The following POGZ variants were observed in gnomAD, a reference collection of about 807,000 sequenced individuals.
The protein encoded by POGZ is pogo transposable element derived with ZNF domain, also known as pogo transposable element with ZNF domain.
POGZ carries 17 observed loss-of-function variants against 134.6 expected under a neutral mutation model. The ratio of observed to expected loss-of-function variants is 0.13; its 90% CI spans 0.09 to 0.19. The LOEUF (loss-of-function observed/expected upper bound fraction) is 0.19. Ranked by LOEUF, POGZ falls within the 10% of genes least tolerant of loss-of-function variation. The pLI is 1.00. For synonymous variants in POGZ, 693 were observed against 657.1 expected (o/e 1.05, Z -0.84); for missense variants, 1,306 against 1,769.7 (o/e 0.74, Z 4.70).
intron 1 of POGZ, among the ~76,000 whole-genome samples, chr1:151,457,943 A>G (rs908979954): frequency 2.0e-5 from 3 of 149,496 alleles, no homozygotes; most frequent in Non-Finnish European, 4.5e-5. Flanking sequence ...AAAAAAAAAA[A>G]GTAAAACCCC....
rs1293916594 is a variant in POGZ, at chr1:151,426,988, T to A, written c.1078+835A>T. 3.3e-5 allele frequency: 5 copies of A among 152,230 alleles called. No individual in the cohort carries two copies. The East Asian group carries it at 9.7e-4, about 29-fold the overall frequency. The allele number at this position is 152,230 out of a possible 1,614,324, so 9.4% of individuals were successfully genotyped here. ...CTCATGGCTCACTGCAGGCTCAACC[T>A]TCTGGGTTCAAGCCCAAGCCATCCT... On this transcript the variant is annotated intron_variant, in intron 7 of 18. Transcript: ENST00000271715.
chr1:151,456,057 T>C (rs1448748855), intron 1 of POGZ, among the ~76,000 whole-genome samples: 1 of 152,182 alleles, frequency 6.6e-6, no homozygotes, highest in Non-Finnish European at 1.5e-5. Context: ...AGTAGTTTCT[T>C]AAAGGACAGT....
Position 151,452,826 on chromosome 1 carries a change from T to C in POGZ, c.-2+6326A>G, listed in dbSNP as rs200517761. ...TTGCAGTGAGCCAAGATTGTGCCAC[T>C]GCACTCTAGTCTAGGCAACAGAGCG... On this transcript the variant is annotated intron_variant, in intron 1 of 18. Coordinates refer to ENST00000271715, the MANE Select transcript of POGZ (RefSeq NM_015100.4). Among the ~76,000 whole-genome samples, 6 of 151,290 alleles carry C rather than the reference T, an allele frequency of 4.0e-5. No homozygotes were observed. In the East Asian group the frequency reaches 5.9e-4, roughly 15 times the overall value.
In POGZ at chr1:151,405,752, T is replaced by C; in HGVS notation, c.3283A>G (p.Lys1095Glu). 3 of 1,614,072 alleles carry C rather than the reference T, an allele frequency of 1.9e-6. No homozygotes were observed. Among genetic ancestry groups the C allele is most frequent in the South Asian group, 1.1e-5 (1 of 91,080 alleles). The change falls in exon 19 of 19, where the codon AAG (lysine) becomes GAG (glutamate). Residue 1095 changes from lysine (K) to glutamate (E), a missense_variant. Physicochemically the swap from Lys to Glu is moderately conservative, Grantham distance 56. Transcript: ENST00000271715. The surrounding 1 kb of genome is among the most constrained non-coding windows in gnomAD (Gnocchi z 4.9). ...ARRAVAHTLP[K>E]DVAENAGLFI... ...AGTCCTGCATTCTCTGCTACATCCTTAGGTAGGGTGTGGGCCACAGCTCGC... is the reference window on the plus strand; with the variant it reads ...AGTCCTGCATTCTCTGCTACATCCTCAGGTAGGGTGTGGGCCACAGCTCGC...
chr1:151,441,115 G>A, intron 2 of POGZ, 29 bp from the exon 3 acceptor site: 7 of 1,597,666 alleles, frequency 4.4e-6, no homozygotes, highest in Non-Finnish European at 4.3e-6. Context: ...ATAGTCACTT[G>A]GAGACAGGGA....
Position 151,424,027 on chromosome 1 carries a change from G to A in POGZ, c.1445C>T (p.Ala482Val). ...FYYGRDGGKVAQLTNFPKVAT... is the reference protein window; with the variant it reads ...FYYGRDGGKVVQLTNFPKVAT... Reference sequence around the variant, plus strand: ...GACCTTAGGGAAATTTGTGAGCTGGGCTACTTTGCCACCATCCCGTCCATA... The same window carrying A: ...GACCTTAGGGAAATTTGTGAGCTGGACTACTTTGCCACCATCCCGTCCATA... The change falls in exon 9 of 19, where the codon GCC becomes GTC. Residue 482 changes from alanine to valine, a missense_variant. Physicochemically the swap from Ala to Val is moderately conservative, Grantham distance 64 (BLOSUM62 0). This residue lies in a region of POGZ where 541 missense variants were observed against 680.5 expected (regional missense o/e 0.80). Transcript: ENST00000271715. 1 of 1,614,112 alleles carries A rather than the reference G, an allele frequency of 6.2e-7. No homozygotes were observed. Among genetic ancestry groups the A allele is most frequent in the Non-Finnish European group, 8.5e-7 (1 of 1,180,010 alleles).
intron 10 of POGZ, among the ~76,000 whole-genome samples, chr1:151,417,364 CTTT>C (rs1380557486): frequency 2.2e-5 from 3 of 135,346 alleles, no homozygotes; most frequent in Non-Finnish European, 1.6e-5. Flanking sequence ...GCCCGGCCCT[CTTT>C]TTTTTTTTTT....
intron 1 of POGZ, among the ~76,000 whole-genome samples, chr1:151,448,508 TCAAAGGTTAA>T (rs1397315506): frequency 1.3e-5 from 2 of 152,156 alleles, no homozygotes; most frequent in East Asian, 3.9e-4. Context: ...AATCAAACAA[TCAAAGGTTAA>T]CAAAGAGGAC....
At chr1:151,458,967 C>T (rs1489691133) in intron 1 of POGZ, among the ~76,000 whole-genome samples, 185 bp downstream of exon 1, 1 of 144,628 alleles carries the variant, frequency 6.9e-6, no homozygotes, top group Non-Finnish European at 1.5e-5. Context: ...CCGCCCCTGC[C>T]GCGGGCCGCG....
chr1:151,446,954 T>C (rs1384406411), intron 1 of POGZ, among the ~76,000 whole-genome samples: 2 of 152,062 alleles, frequency 1.3e-5, no homozygotes, highest in African/African-American at 2.4e-5. Context: ...GTTTCAAAAA[T>C]TATCAACTCA....
chr1:151,424,592 CA>C (rs1553224320), intron 8 of POGZ: 2 of 306,324 alleles, frequency 6.5e-6, no homozygotes, highest in Non-Finnish European at 1.2e-5. Context: ...GGACTAATAC[CA>C]AAAAATGAAA....
chr1:151,435,505 T>TC (rs1322606462), intron 3 of POGZ, among the ~76,000 whole-genome samples: 1 of 151,824 alleles, frequency 6.6e-6, no homozygotes, highest in Non-Finnish European at 1.5e-5. Flanking sequence ...TTCCTTTTTT[T>TC]TTTTTGAGAT....
At chr1:151,406,778 G>T in intron 17 of POGZ, 133 bp downstream of exon 17, 1 of 968,482 alleles carries the variant, frequency 1.0e-6, no homozygotes, top group Non-Finnish European at 1.6e-6. Context: ...CAGGTCGGAA[G>T]GTTTCTAATT....
At chr1:151,449,115 T>C (rs189684043) in intron 1 of POGZ, among the ~76,000 whole-genome samples, 2 of 152,270 alleles carry the variant, frequency 1.3e-5, no homozygotes, top group Admixed American at 1.3e-4. Flanking sequence ...AAATTCCCAA[T>C]AGTGCTAAAA....
chr1:151,409,222 CT>C (rs1156240560), intron 12 of POGZ, among the ~76,000 whole-genome samples: 3 of 151,736 alleles, frequency 2.0e-5, no homozygotes, highest in East Asian at 1.9e-4. Context: ...TAAAGTCATA[CT>C]TTTTTTTCTA....
rs12038281 is a variant in POGZ, at chr1:151,436,529, C to T, written c.283+4399G>A. On this transcript the variant is annotated intron_variant, in intron 3 of 18. Transcript: ENST00000271715. The stretch of plus-strand genomic sequence containing the variant: ...TGCGATCTCAGCTCACAGCAACCTC[C>T]GCCTCCCGAGTGCAAACGATTCTCC... Among the ~76,000 whole-genome samples, 28 of 152,138 alleles carry T rather than the reference C, an allele frequency of 1.8e-4. No individual in the cohort carries two copies. In the East Asian group the frequency reaches 2.1e-3, roughly 12 times the overall value.
At chr1:151,411,999 C>T (rs1654771962) in intron 11 of POGZ, among the ~76,000 whole-genome samples, 1 of 152,136 alleles carries the variant, frequency 6.6e-6, no homozygotes. Context: ...AATCCATGTT[C>T]TCTAACTAAG....
chr1:151,433,323 A>T (rs918170376), intron 3 of POGZ, among the ~76,000 whole-genome samples: 6 of 152,050 alleles, frequency 3.9e-5, no homozygotes, highest in Non-Finnish European at 7.4e-5. Flanking sequence ...ATTTTTCCAA[A>T]AAGGCTGGGC....
intron 1 of POGZ, among the ~76,000 whole-genome samples, chr1:151,454,121 G>T (rs1045487284): frequency 6.6e-6 from 1 of 152,122 alleles, no homozygotes; most frequent in African/African-American, 2.4e-5. Flanking sequence ...GAAGAATTTG[G>T]TATCTAACGT....
Sources: allele counts gnomAD v4.1 joint callset (sites outside exome capture counted in the v4.1 genomes callset), GRCh38; gene constraint gnomAD v4.1.1; regional missense constraint gnomAD v4.1.1; non-coding constraint Gnocchi (gnomAD v3.1); transcripts MANE v1.5; gene names NCBI Gene and HGNC (gene_info 2026-07-23, HGNC 2026-07-21).